SGCZ: variants seen among roughly 807,000 people sequenced by gnomAD.
SGCZ encodes sarcoglycan zeta, also known as zeta-sarcoglycan.
SGCZ carries 40 observed loss-of-function variants against 41.3 expected under a neutral mutation model. That is an observed-to-expected ratio of 0.97 (90% confidence interval 0.75 to 1.26). The LOEUF is 1.26. SGCZ is among the 50% of genes most tolerant of loss of function. The probability of loss-of-function intolerance (pLI) is 0.00; values close to 1 mark genes in which losing one functional copy is unlikely to be tolerated. For missense variants in SGCZ, 552 were observed against 369.8 expected, an observed-to-expected ratio of 1.49 and a Z score of -4.04; for synonymous variants, 206 against 137.5, an observed-to-expected ratio of 1.50 and a Z score of -3.49.
At chr8:15,148,379 G>C (rs1413545474) in intron 1 of SGCZ, among the ~76,000 whole-genome samples, 4 of 152,164 alleles carry the variant, frequency 2.6e-5, no homozygotes, top group Non-Finnish European at 5.9e-5. Context: ...CTCGATGTCA[G>C]TTTGATTTTT....
At chr8:14,191,349 CA>C (rs1489866365) in intron 4 of SGCZ, among the ~76,000 whole-genome samples, 3 of 152,122 alleles carry the variant, frequency 2.0e-5, no homozygotes, top group Non-Finnish European at 4.4e-5. Context: ...GATACAACCT[CA>C]CTTATTTTTG....
At chr8:14,990,168 G>A (rs934184199) in intron 1 of SGCZ, among the ~76,000 whole-genome samples, 3 of 152,104 alleles carry the variant, frequency 2.0e-5, no homozygotes, top group East Asian at 1.9e-4. Flanking sequence ...GGCAATTAAC[G>A]CAACATGCTG....
At chr8:14,792,441 C>T (rs1182986538) in intron 1 of SGCZ, among the ~76,000 whole-genome samples, 1 of 152,156 alleles carries the variant, frequency 6.6e-6, no homozygotes, top group Non-Finnish European at 1.5e-5. Context: ...TCAACTCTTT[C>T]CATTCATGCT....
chr8:14,885,692 T>C (rs1804760741), intron 1 of SGCZ, among the ~76,000 whole-genome samples: 1 of 151,936 alleles, frequency 6.6e-6, no homozygotes, highest in South Asian at 2.1e-4. Flanking sequence ...CCAGTAATTG[T>C]AGGACTCAAG....
chr8:15,200,680 A>T (rs1420863821), intron 1 of SGCZ, among the ~76,000 whole-genome samples: 1 of 152,172 alleles, frequency 6.6e-6, no homozygotes, highest in Non-Finnish European at 1.5e-5. Context: ...GGTGGTCAAG[A>T]TCAAAACATA....
intron 1 of SGCZ, among the ~76,000 whole-genome samples, chr8:14,989,773 T>G (rs1373230086): frequency 6.6e-6 from 1 of 151,946 alleles, no homozygotes; most frequent in African/African-American, 2.4e-5. Context: ...ATAAGAGAAA[T>G]AGAGTTTCAT....
Position 14,838,417 on chromosome 8 carries a change from C to G in SGCZ, c.40-283491G>C, listed in dbSNP as rs544840706. ...AGCATGCCATTGATATGCAAACTAA[C>G]CAATCTGGAGGCATGCCTCCTTTAT... On this transcript the variant is annotated intron_variant, in intron 1 of 7. Coordinates refer to ENST00000382080, the MANE Select transcript of SGCZ (RefSeq NM_139167.4). 2.3e-4 allele frequency among the ~76,000 whole-genome samples: 35 copies of G among 152,232 alleles called. No homozygotes were observed. In the South Asian group the frequency reaches 4.4e-3, roughly 19 times the overall value.
chr8:14,835,773 AG>A lies in SGCZ; in HGVS notation c.40-280848del, dbSNP rs1438153418. On this transcript the variant is annotated intron_variant, in intron 1 of 7. Transcript: ENST00000382080. ...ATGTATTTACATTCCTGAGGCCAAA[AG>A]CCACTGATTCTCAATTCAACAGGGG... Among the ~76,000 whole-genome samples, 5 of 152,346 alleles carry A rather than the reference AG, an allele frequency of 3.3e-5. No homozygotes were observed. The East Asian group carries it at 9.7e-4, about 29-fold the overall frequency.
At chr8:14,693,700 T>C (rs1563206847) in intron 1 of SGCZ, among the ~76,000 whole-genome samples, 3 of 149,612 alleles carry the variant, frequency 2.0e-5, no homozygotes. Flanking sequence ...AAGTGATTCT[T>C]CTCCCTCAGC....
intron 5 of SGCZ, among the ~76,000 whole-genome samples, chr8:14,134,005 C>T (rs543638834): frequency 6.4e-4 from 98 of 152,216 alleles, no homozygotes; most frequent in African/African-American, 2.3e-3. Flanking sequence ...CACCAGAATT[C>T]AGTACATGAA....
chr8:14,568,762 G>T lies in SGCZ; in HGVS notation c.40-13836C>A, dbSNP rs1212012322. On this transcript the variant is annotated intron_variant, in intron 1 of 7. Transcript: ENST00000382080. ...GATTTTCATTATAACTCAGAAAAGG[G>T]AGCAAGCACTTTGAGAATCACCGTA... 2.6e-5 allele frequency among the ~76,000 whole-genome samples: 4 copies of T among 152,134 alleles called. No homozygotes were observed. The South Asian group carries it at 8.3e-4, about 32-fold the overall frequency.
chr8:14,844,348 C>T (rs1421151209), intron 1 of SGCZ, among the ~76,000 whole-genome samples: 1 of 152,066 alleles, frequency 6.6e-6, no homozygotes, highest in Non-Finnish European at 1.5e-5. Context: ...TTGTCCCTTC[C>T]CTATGAGAGA....
intron 4 of SGCZ, among the ~76,000 whole-genome samples, chr8:14,178,874 A>C (rs557939680): frequency 6.6e-6 from 1 of 152,332 alleles, no homozygotes; most frequent in East Asian, 1.9e-4. Context: ...GAACTCATTA[A>C]ATGTCTAGGT....
intron 4 of SGCZ, among the ~76,000 whole-genome samples, chr8:14,214,224 G>A (rs1585238794): frequency 6.6e-6 from 1 of 152,162 alleles, no homozygotes; most frequent in East Asian, 1.9e-4. Flanking sequence ...AATCCCAATC[G>A]AAGGGCAGTC....
intron 1 of SGCZ, among the ~76,000 whole-genome samples, chr8:14,902,727 A>C (rs1222642585): frequency 6.6e-6 from 1 of 152,116 alleles, no homozygotes; most frequent in African/African-American, 2.4e-5. Context: ...GATTTCCTGC[A>C]ATTTTCTTTA....
intron 2 of SGCZ, among the ~76,000 whole-genome samples, chr8:14,351,730 A>C: frequency 6.6e-6 from 1 of 152,018 alleles, no homozygotes; most frequent in East Asian, 1.9e-4. Flanking sequence ...TACAATGATT[A>C]ATTTCTTTAT....
intron 1 of SGCZ, among the ~76,000 whole-genome samples, chr8:15,136,526 T>C (rs1808111352): frequency 1.3e-5 from 2 of 152,134 alleles, no homozygotes; most frequent in African/African-American, 4.8e-5. Flanking sequence ...ATCTGAATTG[T>C]AGATCCCATA....
At chr8:14,648,186 T>C (rs1807286236) in intron 1 of SGCZ, among the ~76,000 whole-genome samples, 1 of 152,094 alleles carries the variant, frequency 6.6e-6, no homozygotes, top group Admixed American at 6.6e-5. Flanking sequence ...TAAAAAATCA[T>C]AATAATTCAA....
intron 2 of SGCZ, among the ~76,000 whole-genome samples, chr8:14,358,538 T>A (rs1039178561): frequency 6.6e-6 from 1 of 152,142 alleles, no homozygotes; most frequent in African/African-American, 2.4e-5. Context: ...TTATTAAAAC[T>A]AAAGATTTAA....
Sources: gnomAD v4.1 joint callset for allele counts (sites outside exome capture counted in the v4.1 genomes callset) on GRCh38, gnomAD v4.1.1 for gene constraint, MANE v1.5 for transcripts, NCBI Gene and HGNC (gene_info 2026-07-23, HGNC 2026-07-21) for gene names.